Variants in KYAT1 observed in about 807,000 individuals in gnomAD.
KYAT1 encodes the protein kynurenine--oxoglutarate transaminase 1.
A neutral mutation model predicts 52.4 loss-of-function variants in KYAT1; 47 were observed. The observed-to-expected ratio is 0.90, with a 90% CI of 0.71 to 1.14. KYAT1 has a LOEUF of 1.14. Among genes scored for constraint, KYAT1 ranks in the 50% most tolerant of loss-of-function variants. KYAT1 has a pLI of 0.00. For missense variants in KYAT1, 480 were observed against 557.9 expected, an observed-to-expected ratio of 0.86 and a Z score of 1.41; for synonymous variants, 212 against 209.6, an observed-to-expected ratio of 1.01 and a Z score of -0.10.
chr9:128,849,428 G>C (rs1036757650), intron 1 of KYAT1, among the ~76,000 whole-genome samples: 46 of 81,518 alleles, frequency 5.6e-4, no homozygotes, highest in African/African-American at 2.3e-3. Flanking sequence ...AAGCGGGGGT[G>C]GGGGGTGGGA....
chr9:128,859,455 G>A (rs868071521), intron 1 of KYAT1, among the ~76,000 whole-genome samples: 1 of 152,022 alleles, frequency 6.6e-6, no homozygotes, highest in Non-Finnish European at 1.5e-5. Context: ...ATCACCTGAG[G>A]TCAGGAGTTT....
In KYAT1 at chr9:128,835,350, G is replaced by C; in HGVS notation, c.1095C>G (p.Arg365=). 4 of 1,613,860 alleles carry C rather than the reference G, an allele frequency of 2.5e-6. No homozygotes were observed. The highest frequency in any genetic ancestry group is 3.4e-6 in the Non-Finnish European group (4 of 1,179,936). Residue 365 remains arginine, a synonymous_variant, in exon 11 of 13, where the codon CGC becomes CGG. Transcript: ENST00000302586. ...PGAVDEPYDR[R]FVKWMIKNKG... The stretch of plus-strand genomic sequence containing the variant: ...TGTTCTTGATCATCCACTTGACGAA[G>C]CGTCTGTCATAGGGCTCATCCACAG...
upstream of KYAT1, chr9:128,882,042 G>C (rs948005415): frequency 6.6e-6 from 1 of 152,250 alleles, no homozygotes; most frequent in Admixed American, 6.5e-5. Flanking sequence ...GCGGGAGAAA[G>C]CGCCGCTAGA....
intron 1 of KYAT1, chr9:128,847,285 G>T (rs1169910226): frequency 1.7e-6 from 1 of 594,726 alleles, no homozygotes; most frequent in Non-Finnish European, 3.0e-6. Context: ...AGAGAAGCAG[G>T]GGCAAGGGAG....
intron 1 of KYAT1, among the ~76,000 whole-genome samples, chr9:128,854,213 A>T (rs1027906978): frequency 6.6e-6 from 1 of 152,218 alleles, no homozygotes; most frequent in Non-Finnish European, 1.5e-5. Context: ...TGGTTAAACA[A>T]AAAAAGGAAA....
At chr9:128,848,915 G>A (rs1379625530) in intron 1 of KYAT1, among the ~76,000 whole-genome samples, 2 of 151,792 alleles carry the variant, frequency 1.3e-5, no homozygotes, top group Non-Finnish European at 2.9e-5. Context: ...ATCATTTGAG[G>A]TCAGGAGTTT....
rs1271822471 is a variant in KYAT1, at chr9:128,836,031, C to T, written c.731G>A (p.Ser244Asn). 1.9e-6 allele frequency: 3 copies of T among 1,613,970 alleles called. No individual in the cohort carries two copies. The Admixed American group carries it at 5.0e-5, about 27-fold the overall frequency. ...GMWERTLTIG[S>N]AGKTFSATGW... ...AGTGGCGCTGAAGGTCTTGCCGGCG[C>T]TGCCGATGGTCAGGGTCCGTTCCCA... The change falls in exon 8 of 13, where the codon AGC becomes AAC. Residue 244 changes from serine (S) to asparagine (N), a missense_variant. By Grantham distance (46) the Ser-to-Asn change is conservative. Coordinates refer to ENST00000302586, the MANE Select transcript of KYAT1 (RefSeq NM_004059.5).
chr9:128,836,777 G>A (rs745722523), intron 7 of KYAT1, 25 bp downstream of exon 7: 8 of 1,608,684 alleles, frequency 5.0e-6, no homozygotes. Context: ...GTGCAGGGGA[G>A]GGGCCCCAGG....
intron 11 of KYAT1, among the ~76,000 whole-genome samples, chr9:128,834,768 G>A (rs1418257797): frequency 7.0e-6 from 1 of 142,176 alleles, no homozygotes; most frequent in Non-Finnish European, 1.5e-5. Context: ...GGAGGTGGAG[G>A]TTGCAGTGTG....
intron 1 of KYAT1, among the ~76,000 whole-genome samples, chr9:128,861,017 G>T (rs1835394208): frequency 6.6e-6 from 1 of 152,234 alleles, no homozygotes; most frequent in Non-Finnish European, 1.5e-5. Context: ...ATTACACACA[G>T]ACCCTAAGGG....
intron 1 of KYAT1, among the ~76,000 whole-genome samples, chr9:128,872,105 G>A (rs1588152488): frequency 1.4e-5 from 2 of 139,848 alleles, no homozygotes; most frequent in South Asian, 2.2e-4. Flanking sequence ...GGCAGCCTGG[G>A]CAACAAGAGC....
At chr9:128,847,098 A>G (rs189190115) in intron 1 of KYAT1, among the ~76,000 whole-genome samples, 168 of 152,174 alleles carry the variant, frequency 1.1e-3, no homozygotes, top group Non-Finnish European at 1.9e-3. Flanking sequence ...CCTTGGGACC[A>G]TTTGAGTAAG....
In KYAT1 at chr9:128,853,080, T is replaced by G. The variant is rs138589501; in HGVS notation, c.-6-7669A>C. On this transcript the variant is annotated intron_variant, in intron 1 of 12. Transcript: ENST00000302586. ...ATTGTACTTAGATCAAATGGCTACA[T>G]TAATTGGTCAGGCAAGACTACATAT... 4.5e-3 allele frequency among the ~76,000 whole-genome samples: 690 copies of G among 152,316 alleles called. 3 individuals are homozygous for G. The highest frequency in any genetic ancestry group is 0.015 in the African/African-American group (616 of 41,568).
chr9:128,859,302 A>T (rs1488475932), intron 1 of KYAT1, among the ~76,000 whole-genome samples: 2 of 151,966 alleles, frequency 1.3e-5, no homozygotes, highest in East Asian at 3.9e-4. Flanking sequence ...CTGAACCTGC[A>T]GTGAGCTGAG....
intron 1 of KYAT1, among the ~76,000 whole-genome samples, chr9:128,874,047 G>T (rs1837615535): frequency 6.6e-6 from 1 of 151,576 alleles, no homozygotes; most frequent in Non-Finnish European, 1.5e-5. Flanking sequence ...CCTGAGGTCA[G>T]AAGTTCAAGA....
chr9:128,839,249 C>G (rs1358026694), intron 3 of KYAT1, among the ~76,000 whole-genome samples: 1 of 152,042 alleles, frequency 6.6e-6, no homozygotes, highest in African/African-American at 2.4e-5. Context: ...CAGATGTGAG[C>G]CACCGTGCCT....
chr9:128,871,907 C>A (rs1837282481), intron 1 of KYAT1, among the ~76,000 whole-genome samples: 1 of 151,194 alleles, frequency 6.6e-6, no homozygotes, highest in Admixed American at 6.6e-5. Flanking sequence ...GCGGGTGGAT[C>A]ATGAGGTCAA....
At chr9:128,869,657 C>T (rs369375646) in intron 1 of KYAT1, among the ~76,000 whole-genome samples, 116 of 152,094 alleles carry the variant, frequency 7.6e-4, no homozygotes, top group African/African-American at 2.8e-3. Flanking sequence ...TGGGCTTTAA[C>T]TCCTGGCCTC....
chr9:128,868,851 G>A (rs1331427014), intron 1 of KYAT1, among the ~76,000 whole-genome samples: 5 of 151,886 alleles, frequency 3.3e-5, no homozygotes, highest in African/African-American at 4.8e-5. Flanking sequence ...GACTATAGGC[G>A]CACACCACCA....
Sources: gnomAD v4.1 joint callset for allele counts (sites outside exome capture counted in the v4.1 genomes callset) on GRCh38, gnomAD v4.1.1 for gene constraint, MANE v1.5 for transcripts, NCBI Gene and HGNC (gene_info 2026-07-23, HGNC 2026-07-21) for gene names.